Variants in PDE3B observed in about 807,000 individuals in gnomAD.
The protein encoded by PDE3B is cGMP-inhibited 3',5'-cyclic phosphodiesterase 3B.
Under a neutral mutation model 116.8 loss-of-function variants are expected in PDE3B, and 66 were observed. The observed-to-expected ratio is 0.56, with a 90% CI of 0.46 to 0.69. The LOEUF (loss-of-function observed/expected upper bound fraction) is 0.69, where lower values mean the gene tolerates loss of function less well. Among genes scored for constraint, PDE3B ranks in the 30% least tolerant of loss-of-function variants. The pLI is 0.00. For synonymous variants in PDE3B, 595 were observed against 533.6 expected (o/e 1.12, Z -1.59); for missense variants, 1,384 against 1,368.1 (o/e 1.01, Z -0.18).
chr11:14,771,884 A>G (rs912775098), intron 1 of PDE3B, 53 bp from the exon 2 acceptor site: 53 of 735,108 alleles, frequency 7.2e-5, no homozygotes, highest in African/African-American at 5.7e-4. Flanking sequence ...TTGTCTTTAC[A>G]TATACTTTTT....
Position 14,804,030 on chromosome 11 carries a change from A to T in PDE3B, c.1502A>T (p.His501Leu). 6.2e-7 allele frequency: 1 copy of T among 1,603,118 alleles called. No individual in the cohort carries two copies. Among genetic ancestry groups the T allele is most frequent in the Non-Finnish European group, 8.5e-7 (1 of 1,170,036 alleles). Residue 501 changes from histidine (H) to leucine (L), a missense_variant, in exon 5 of 16, where the codon CAT (histidine) becomes CTT (leucine). His to Leu is a moderately conservative substitution (Grantham distance 99). Coordinates refer to ENST00000282096, the MANE Select transcript of PDE3B (RefSeq NM_000922.4). ...TCATCTTCTGTATCACTGACTCACC[A>T]TGTAGGTCTCAGAAGAGCTGGTAAG... ...QRSSSVSLTH[H>L]VGLRRAGVLS...
chr11:14,798,872 G>GA (rs987840491), intron 4 of PDE3B, among the ~76,000 whole-genome samples: 1 of 151,588 alleles, frequency 6.6e-6, no homozygotes, highest in Non-Finnish European at 1.5e-5. Context: ...TTGATCTTTT[G>GA]AAAAAAATAG....
chr11:14,736,034 G>A (rs1856588965), intron 1 of PDE3B, among the ~76,000 whole-genome samples: 1 of 150,856 alleles, frequency 6.6e-6, no homozygotes, highest in Admixed American at 6.6e-5. Flanking sequence ...AACAATGAAG[G>A]AAGATAGTAG....
downstream of PDE3B, among the ~76,000 whole-genome samples, chr11:14,874,230 G>A (rs1193314725): frequency 1.3e-5 from 2 of 151,740 alleles, no homozygotes; most frequent in East Asian, 1.9e-4. Context: ...TGTATTTCCT[G>A]GCATGCCTTT....
chr11:14,882,289 G>A, the PDE3B span, among the ~76,000 whole-genome samples: 10 of 152,074 alleles, frequency 6.6e-5, no homozygotes, highest in African/African-American at 2.2e-4. Context: ...TATACAGCAC[G>A]TAAAAAGATA....
intron 1 of PDE3B, among the ~76,000 whole-genome samples, chr11:14,736,245 C>T (rs1202690726): frequency 6.6e-6 from 1 of 152,020 alleles, no homozygotes; most frequent in Non-Finnish European, 1.5e-5. Context: ...AAAGGATGCA[C>T]AGTTAAGAGC....
Position 14,844,005 on chromosome 11 carries a change from A to G in PDE3B, c.2499A>G (p.Leu833=), listed in dbSNP as rs2229192. 7,510 of 1,613,946 alleles carry G rather than the reference A, an allele frequency of 4.7e-3. 90 individuals are homozygous for G. Among genetic ancestry groups the G allele is most frequent in the East Asian group, 0.035 (1,587 of 44,870 alleles). The part of the protein sequence containing the change: ...YDHPGRTNAF[L]VATNAPQAVL... The stretch of plus-strand genomic sequence containing the variant: ...ACCCAGGGAGGACAAATGCATTTCT[A>G]GTGGCTACAAATGCCCCTCAGGTAG... The change falls in exon 12 of 16, where the codon CTA becomes CTG. Residue 833 remains leucine (L), a synonymous_variant. Transcript: ENST00000282096.
At chr11:14,847,839 A>G (rs1197733919) in intron 12 of PDE3B, among the ~76,000 whole-genome samples, 1 of 152,170 alleles carries the variant, frequency 6.6e-6, no homozygotes, top group Admixed American at 6.5e-5. Flanking sequence ...AATTGTGGCA[A>G]TAATCAATAG....
chr11:14,888,927 A>C, the PDE3B span, among the ~76,000 whole-genome samples: 4 of 152,224 alleles, frequency 2.6e-5, no homozygotes, highest in Non-Finnish European at 4.4e-5. Context: ...GCCTCTTGAA[A>C]TCTAGACTAA....
At chr11:14,677,983 C>T (rs553494685) in intron 1 of PDE3B, among the ~76,000 whole-genome samples, 17 of 152,210 alleles carry the variant, frequency 1.1e-4, no homozygotes, top group African/African-American at 3.6e-4. Flanking sequence ...TGAGTGAGTG[C>T]GGTGACACGA....
chr11:14,645,220 T>C (rs1318144709), intron 1 of PDE3B, among the ~76,000 whole-genome samples, 167 bp downstream of exon 1: 3 of 151,370 alleles, frequency 2.0e-5, no homozygotes, highest in Non-Finnish European at 4.4e-5. Context: ...TGGAAAGGAT[T>C]CTTAAAATAC....
intron 1 of PDE3B, among the ~76,000 whole-genome samples, chr11:14,737,387 A>G (rs1431697874): frequency 6.6e-6 from 1 of 152,118 alleles, no homozygotes; most frequent in East Asian, 1.9e-4. Context: ...TTTAGTAGAG[A>G]CAGGGTTTCA....
chr11:14,855,951 T>A (rs1046595240), intron 12 of PDE3B, among the ~76,000 whole-genome samples: 4 of 152,164 alleles, frequency 2.6e-5, no homozygotes, highest in African/African-American at 9.7e-5. Context: ...GTAACTAAGA[T>A]AAAGGAAGAT....
chr11:14,851,509 GGT>G (rs35913217), intron 12 of PDE3B, among the ~76,000 whole-genome samples: 91 of 148,414 alleles, frequency 6.1e-4, no homozygotes, highest in East Asian at 1.8e-3. Flanking sequence ...GGTATAATGG[GGT>G]GTGTGTGTGT....
At chr11:14,891,836 A>C in the PDE3B span, 2 of 1,412,490 alleles carry the variant, frequency 1.4e-6, no homozygotes, top group East Asian at 2.6e-5. Context: ...AGACCCGGGA[A>C]GCGGGTGTCC....
the PDE3B span, among the ~76,000 whole-genome samples, chr11:14,882,723 G>T: frequency 2.0e-5 from 3 of 152,140 alleles, no homozygotes; most frequent in African/African-American, 7.2e-5. Context: ...TATTCAATTA[G>T]GAAAAGAGGA....
intron 12 of PDE3B, among the ~76,000 whole-genome samples, chr11:14,845,205 C>T (rs1156509433): frequency 5.3e-5 from 8 of 151,994 alleles, no homozygotes; most frequent in African/African-American, 1.7e-4. Context: ...CTGCAGCCAC[C>T]GCTGCTGGTA....
intron 1 of PDE3B, among the ~76,000 whole-genome samples, chr11:14,657,735 C>A (rs1377596505): frequency 6.6e-6 from 1 of 152,096 alleles, no homozygotes; most frequent in Non-Finnish European, 1.5e-5. Flanking sequence ...TGTCATTATT[C>A]TTAGGAGTTT....
rs1488927825 is a variant in PDE3B, at chr11:14,789,738, G to A, written c.1415+496G>A. ...ACTAATATATTCTATATTCTGTTGA[G>A]GATTTACTTGGAACTGAACAATGCT... is the stretch of plus-strand genomic sequence containing the variant. On this transcript the variant is annotated intron_variant, in intron 4 of 15. Coordinates refer to ENST00000282096, the MANE Select transcript of PDE3B (RefSeq NM_000922.4). Among the ~76,000 whole-genome samples the A allele has an allele frequency of 3.3e-5, 5 of 152,034 alleles. No individual in the cohort carries two copies. The East Asian group carries it at 9.6e-4, about 29-fold the overall frequency.
Sources: allele counts gnomAD v4.1 joint callset (sites outside exome capture counted in the v4.1 genomes callset), GRCh38; gene constraint gnomAD v4.1.1; transcripts MANE v1.5; gene names NCBI Gene and HGNC (gene_info 2026-07-23, HGNC 2026-07-21).